Variants in YIPF7 observed in about 807,000 individuals in gnomAD.
YIPF7 encodes the protein protein YIPF7.
Under a neutral mutation model 27.2 loss-of-function variants are expected in YIPF7, and 35 were observed. That is an observed-to-expected ratio of 1.29 (90% CI 0.98 to 1.70). The LOEUF (loss-of-function observed/expected upper bound fraction) is 1.70. Ranked by LOEUF, YIPF7 falls within the 40% of genes most tolerant of loss-of-function variation. The pLI, the probability that YIPF7 is intolerant of heterozygous loss-of-function variation, is 0.00. For missense variants in YIPF7, 358 were observed against 303.7 expected (o/e 1.18, Z -1.33); for synonymous variants, 137 against 110.4 (o/e 1.24, Z -1.51).
At chr4:44,624,989 TA>T (rs1712585008) in intron 4 of YIPF7, among the ~76,000 whole-genome samples, 1 of 152,200 alleles carries the variant, frequency 6.6e-6, no homozygotes, top group Non-Finnish European at 1.5e-5. Context: ...TGACTAGAGT[TA>T]GGATGGGATA....
At chr4:44,650,208 GA>G (rs995639075) in intron 1 of YIPF7, 107 bp from the exon 2 acceptor site, 8 of 725,094 alleles carry the variant, frequency 1.1e-5, no homozygotes, top group South Asian at 8.1e-5. Flanking sequence ...ATTCCTATCA[GA>G]AAAAAAGATG....
chr4:44,644,440 C>T (rs183636100), intron 2 of YIPF7, among the ~76,000 whole-genome samples: 2 of 152,282 alleles, frequency 1.3e-5, no homozygotes, highest in Admixed American at 6.5e-5. Context: ...AGCCTGTGGG[C>T]TGTGGGTTGG....
At chr4:44,624,522 G>C in intron 5 of YIPF7, 79 bp downstream of exon 5, 1 of 1,411,010 alleles carries the variant, frequency 7.1e-7, no homozygotes, top group Non-Finnish European at 9.4e-7. Flanking sequence ...AATCAGGAAG[G>C]GCTCAACTTT....
At chr4:44,659,222 A>C (rs1230689685) in intron 2 of YIPF7, among the ~76,000 whole-genome samples, 1 of 151,424 alleles carries the variant, frequency 6.6e-6, no homozygotes, top group Non-Finnish European at 1.5e-5. Flanking sequence ...GCAGTAATAA[A>C]TTATATTTTT....
intron 3 of YIPF7, among the ~76,000 whole-genome samples, chr4:44,630,206 G>A (rs1463177400): frequency 6.6e-6 from 1 of 152,088 alleles, no homozygotes; most frequent in Non-Finnish European, 1.5e-5. Context: ...GGGCTCCAGG[G>A]AGCCTCCTGC....
In YIPF7 at chr4:44,635,903, T is replaced by C. The variant is rs1258948642; in HGVS notation, c.280+19A>G. On this transcript the variant is annotated intron_variant, in intron 3 of 5. Coordinates refer to ENST00000415895, the MANE Select transcript of YIPF7 (RefSeq NM_182592.3). ...ATTCTTCTAGCTGTACACACATTAA[T>C]AACACTTCCTTAACTTATCTTCTAG... The C allele has an allele frequency of 2.4e-5, 38 of 1,612,728 alleles. No individual in the cohort carries two copies. The highest frequency in any genetic ancestry group is 2.8e-5 in the Non-Finnish European group (33 of 1,179,314).
intron 2 of YIPF7, among the ~76,000 whole-genome samples, chr4:44,659,461 C>A (rs1485004446): frequency 1.3e-5 from 2 of 151,280 alleles, no homozygotes; most frequent in East Asian, 1.9e-4. Context: ...TCTCCTAATT[C>A]AAAATAAAAG....
intron 5 of YIPF7, among the ~76,000 whole-genome samples, chr4:44,624,060 C>CTTTT (rs1170920998): frequency 1.5e-5 from 2 of 137,158 alleles, no homozygotes; most frequent in African/African-American, 5.6e-5. Context: ...TTCTCTCTCT[C>CTTTT]TTTTTTTTTT....
chr4:44,637,429 A>G (rs1713165381), intron 2 of YIPF7, among the ~76,000 whole-genome samples: 1 of 152,142 alleles, frequency 6.6e-6, no homozygotes, highest in Non-Finnish European at 1.5e-5. Flanking sequence ...CATTTTAATA[A>G]GAGCCATTCT....
chr4:44,624,867 A>G, intron 4 of YIPF7, 85 bp from the exon 5 acceptor site: 1 of 1,320,370 alleles, frequency 7.6e-7, no homozygotes. Context: ...AGAGCATCTT[A>G]GAGTCAGTTC....
At chr4:44,646,725 C>T (rs1338580986) in intron 2 of YIPF7, among the ~76,000 whole-genome samples, 1 of 152,064 alleles carries the variant, frequency 6.6e-6, no homozygotes, top group Non-Finnish European at 1.5e-5. Flanking sequence ...CACAGTCACC[C>T]AGCTTTCAGA....
chr4:44,652,092 CT>C (rs1011099387), upstream of YIPF7, among the ~76,000 whole-genome samples: 1 of 152,174 alleles, frequency 6.6e-6, no homozygotes, highest in Non-Finnish European at 1.5e-5. Context: ...CTGCCTCTGA[CT>C]TTTTTCCTGC....
At position 44,644,927 on chromosome 4, in the gene YIPF7, G is replaced by C. The variant is rs73177651; in HGVS notation, c.116+5058C>G. ...GATAAAGTTATCATGATATCTGGTT[G>C]TTTAAAGATGTGCAGCACCTCCCCA... On this transcript the variant is annotated intron_variant, in intron 2 of 5. Transcript: ENST00000415895. Among the ~76,000 whole-genome samples, 306 of 152,244 alleles carry C rather than the reference G, an allele frequency of 2.0e-3. 3 individuals carry two copies. Among genetic ancestry groups the C allele is most frequent in the African/African-American group, 6.7e-3 (277 of 41,556 alleles).
intron 2 of YIPF7, among the ~76,000 whole-genome samples, chr4:44,647,875 GC>G (rs1713582111): frequency 6.6e-6 from 1 of 151,494 alleles, no homozygotes; most frequent in Non-Finnish European, 1.5e-5. Flanking sequence ...TCTATCTGGA[GC>G]TTTTAAGGTG....
intron 4 of YIPF7, among the ~76,000 whole-genome samples, chr4:44,628,122 G>A (rs1712739253): frequency 6.6e-6 from 1 of 152,114 alleles, no homozygotes; most frequent in Non-Finnish European, 1.5e-5. Flanking sequence ...GTTAATCTAA[G>A]ATTATCAAAT....
At chr4:44,622,602 G>T (rs757159193) in intron 5 of YIPF7, 26 bp from the exon 6 acceptor site, 68 of 1,609,270 alleles carry the variant, frequency 4.2e-5, no homozygotes, top group Non-Finnish European at 5.4e-5. Flanking sequence ...AGAAATGATT[G>T]CCTGTGCCAG....
chr4:44,623,071 G>A (rs1034331490), intron 5 of YIPF7, among the ~76,000 whole-genome samples: 1 of 152,206 alleles, frequency 6.6e-6, no homozygotes, highest in Admixed American at 6.5e-5. Flanking sequence ...CACAGCTCAA[G>A]TAAGGAACAC....
At chr4:44,638,449 T>C (rs1210145492) in intron 2 of YIPF7, among the ~76,000 whole-genome samples, 2 of 149,108 alleles carry the variant, frequency 1.3e-5, no homozygotes, top group Admixed American at 1.3e-4. Flanking sequence ...CCAACAAACA[T>C]ATGAAAAAAT....
chr4:44,650,752 T>C (rs573997423), intron 1 of YIPF7, among the ~76,000 whole-genome samples: 1 of 152,334 alleles, frequency 6.6e-6, no homozygotes, highest in Non-Finnish European at 1.5e-5. Context: ...CTTTGTTCTA[T>C]ACATTCTCTC....
Sources: allele counts gnomAD v4.1 joint callset (sites outside exome capture counted in the v4.1 genomes callset), GRCh38; gene constraint gnomAD v4.1.1; transcripts MANE v1.5; gene names NCBI Gene and HGNC (gene_info 2026-07-23, HGNC 2026-07-21).